Variants in CSMD1 observed in about 807,000 individuals in gnomAD.
CSMD1 encodes the protein CUB and Sushi multiple domains 1, also known as CUB and sushi domain-containing protein 1.
CSMD1 carries 213 observed loss-of-function variants against 417.5 expected under a neutral mutation model. The ratio of observed to expected loss-of-function variants is 0.51; its 90% CI spans 0.46 to 0.57. The LOEUF (loss-of-function observed/expected upper bound fraction) is 0.57. Ranked by LOEUF, CSMD1 falls within the 20% of genes least tolerant of loss-of-function variation. The pLI is 0.00. For synonymous variants in CSMD1, 2,862 were observed against 1,736.8 expected, an observed-to-expected ratio of 1.65 and a Z score of -16.11; for missense variants, 6,923 against 4,529.7, an observed-to-expected ratio of 1.53 and a Z score of -15.17.
chr8:4,344,060 C>T (rs757544112), intron 3 of CSMD1, among the ~76,000 whole-genome samples: 3 of 152,100 alleles, frequency 2.0e-5, no homozygotes, highest in African/African-American at 4.8e-5. Flanking sequence ...TGTGCGTGTG[C>T]GCACACACAT....
intron 7 of CSMD1, among the ~76,000 whole-genome samples, chr8:3,695,611 C>T (rs542371137): frequency 2.0e-5 from 3 of 152,000 alleles, no homozygotes; most frequent in East Asian, 1.9e-4. Context: ...AAAATGTTCA[C>T]GTGTTTCACA....
rs181536696 is a variant in CSMD1 at position 3,397,428 on chromosome 8, G to C, written c.2406-1047C>G. On this transcript the variant is annotated intron_variant, in intron 16 of 69. Coordinates refer to ENST00000635120, the MANE Select transcript of CSMD1 (RefSeq NM_033225.6). Reference sequence around the variant, plus strand: ...CATTAGATCATGGATACACTGATTAGTGCAAATGCACATGATTACCTATTC... The same window carrying C: ...CATTAGATCATGGATACACTGATTACTGCAAATGCACATGATTACCTATTC... 1.3e-3 allele frequency among the ~76,000 whole-genome samples: 202 copies of C among 152,298 alleles called. 1 individual carries two copies. The highest frequency in any genetic ancestry group is 0.011 in the Admixed American group (174 of 15,292).
At chr8:4,048,385 C>G (rs1446237169) in intron 3 of CSMD1, among the ~76,000 whole-genome samples, 2 of 152,164 alleles carry the variant, frequency 1.3e-5, no homozygotes, top group African/African-American at 4.8e-5. Flanking sequence ...ACAGACAATG[C>G]TTCCTAGACA....
chr8:4,179,023 A>G lies in CSMD1; in HGVS notation c.416-146924T>C, dbSNP rs1352467932. On this transcript the variant is annotated intron_variant, in intron 3 of 69. Transcript: ENST00000635120. ...CTGCCCAAGGTAATTTATACATTCAATGCCATCCCCATCAAGCTACCAATG... is the reference window on the plus strand; with the variant it reads ...CTGCCCAAGGTAATTTATACATTCAGTGCCATCCCCATCAAGCTACCAATG... Among the ~76,000 whole-genome samples, 3 of 152,256 alleles carry G rather than the reference A, an allele frequency of 2.0e-5. No individual in the cohort carries two copies. The East Asian group carries it at 5.8e-4, about 29-fold the overall frequency.
At chr8:3,646,049 C>CA (rs1797555011) in intron 7 of CSMD1, among the ~76,000 whole-genome samples, 1 of 143,770 alleles carries the variant, frequency 7.0e-6, no homozygotes, top group African/African-American at 2.7e-5. Flanking sequence ...AAATTCCCAA[C>CA]CAAAAAAAAA....
chr8:4,029,821 C>G (rs1036538848), intron 4 of CSMD1, among the ~76,000 whole-genome samples: 1 of 152,150 alleles, frequency 6.6e-6, no homozygotes, highest in African/African-American at 2.4e-5. Context: ...TAATAAAATA[C>G]AAGCTAGTTA....
intron 52 of CSMD1, among the ~76,000 whole-genome samples, chr8:3,005,055 C>T (rs1807761237): frequency 6.6e-6 from 1 of 152,172 alleles, no homozygotes; most frequent in African/African-American, 2.4e-5. Flanking sequence ...AGAGGAATTG[C>T]TTGAACCCGG....
intron 6 of CSMD1, among the ~76,000 whole-genome samples, chr8:3,714,593 C>A (rs944753505): frequency 1.1e-4 from 5 of 46,600 alleles, no homozygotes; most frequent in Admixed American, 2.7e-4. Flanking sequence ...TAGCCCCAGC[C>A]AGGCATGGTG....
At chr8:4,869,130 A>G (rs1289226270) in intron 1 of CSMD1, among the ~76,000 whole-genome samples, 1 of 152,090 alleles carries the variant, frequency 6.6e-6, no homozygotes, top group African/African-American at 2.4e-5. Context: ...TATAAATGTC[A>G]TCAAATTTGT....
chr8:4,657,161 C>G (rs138987665), intron 1 of CSMD1, among the ~76,000 whole-genome samples: 4 of 152,304 alleles, frequency 2.6e-5, no homozygotes, highest in Admixed American at 2.6e-4. Flanking sequence ...GAAACTCACA[C>G]ATATGCCCAG....
chr8:3,860,501 T>C (rs1029759656), intron 5 of CSMD1, among the ~76,000 whole-genome samples: 2 of 152,192 alleles, frequency 1.3e-5, no homozygotes, highest in African/African-American at 4.8e-5. Flanking sequence ...GAAGTTCCTT[T>C]ATGCAAGGTA....
At chr8:4,208,273 G>A (rs905536484) in intron 3 of CSMD1, among the ~76,000 whole-genome samples, 1 of 151,938 alleles carries the variant, frequency 6.6e-6, no homozygotes, top group African/African-American at 2.4e-5. Context: ...AATACACAGA[G>A]GACAAGAAAC....
At chr8:3,353,853 T>C (rs533059584) in intron 21 of CSMD1, among the ~76,000 whole-genome samples, 90 of 152,334 alleles carry the variant, frequency 5.9e-4, no homozygotes, top group African/African-American at 1.4e-3. Context: ...ATTTTTGCAA[T>C]TGAATGAAAC....
chr8:4,102,698 C>T (rs1438885181), intron 3 of CSMD1, among the ~76,000 whole-genome samples: 2 of 152,158 alleles, frequency 1.3e-5, no homozygotes, highest in Non-Finnish European at 1.5e-5. Context: ...TGATAATGTT[C>T]TCCTAAAATG....
At chr8:3,463,048 G>T (rs1375319082) in intron 12 of CSMD1, among the ~76,000 whole-genome samples, 5 of 152,210 alleles carry the variant, frequency 3.3e-5, no homozygotes, top group East Asian at 1.9e-4. Flanking sequence ...GTCCTCACCA[G>T]ACACCAAATC....
intron 5 of CSMD1, among the ~76,000 whole-genome samples, chr8:3,956,102 C>T (rs887283208): frequency 1.3e-5 from 2 of 152,174 alleles, no homozygotes; most frequent in Non-Finnish European, 2.9e-5. Context: ...GGCCAGGTTT[C>T]CTTTCTAACC....
At chr8:3,794,183 T>C (rs1199302617) in intron 5 of CSMD1, among the ~76,000 whole-genome samples, 1 of 152,190 alleles carries the variant, frequency 6.6e-6, no homozygotes. Context: ...TACTCAAAGC[T>C]TGAGAAGCAC....
At chr8:4,954,914 A>C (rs7815832) in intron 1 of CSMD1, among the ~76,000 whole-genome samples, 99,331 of 152,104 alleles carry the variant, frequency 0.65, 34,331 homozygotes, top group East Asian at 0.81. Flanking sequence ...ACCTGATTGA[A>C]ATGATCAGTG....
chr8:3,983,779 A>C (rs1361481558), intron 5 of CSMD1, among the ~76,000 whole-genome samples: 1 of 152,122 alleles, frequency 6.6e-6, no homozygotes, highest in African/African-American at 2.4e-5. Context: ...GCACCTCTAG[A>C]GCACGTCGCA....
Sources: gnomAD v4.1 joint callset for allele counts (sites outside exome capture counted in the v4.1 genomes callset) on GRCh38, gnomAD v4.1.1 for gene constraint, MANE v1.5 for transcripts, NCBI Gene and HGNC (gene_info 2026-07-23, HGNC 2026-07-21) for gene names.